IHO1: variants seen among roughly 807,000 people sequenced by gnomAD.
IHO1 encodes interactor of HORMAD1 protein 1.
IHO1 carries 13 observed loss-of-function variants against 31.0 expected under a neutral mutation model. That is an observed-to-expected ratio of 0.42 (90% CI 0.27 to 0.67). The LOEUF (loss-of-function observed/expected upper bound fraction) is 0.67, where lower values mean the gene tolerates loss of function less well. Ranked by LOEUF, IHO1 falls within the 30% of genes least tolerant of loss-of-function variation. The pLI is 0.24. For synonymous variants in IHO1, 221 were observed against 248.4 expected (o/e 0.89, Z 1.04); for missense variants, 599 against 687.5 (o/e 0.87, Z 1.44).
intron 2 of IHO1, among the ~76,000 whole-genome samples, chr3:49,233,504 C>T (rs1171401601): frequency 6.6e-6 from 1 of 152,200 alleles, no homozygotes; most frequent in African/African-American, 2.4e-5. Flanking sequence ...AGATTAGCAG[C>T]TATTAACCCA....
intron 6 of IHO1, chr3:49,252,016 A>G (rs2107740600): frequency 6.6e-6 from 1 of 152,284 alleles, no homozygotes; most frequent in South Asian, 2.1e-4. Context: ...TTTTTAGTAG[A>G]GGCCGGGTTT....
At chr3:49,192,607 G>A in the IHO1 span, among the ~76,000 whole-genome samples, 1 of 152,104 alleles carries the variant, frequency 6.6e-6, no homozygotes, top group Non-Finnish European at 1.5e-5. Flanking sequence ...GTATTAAAAG[G>A]TTCATTGGCC....
chr3:49,208,815 C>G (rs575317888), intron 1 of IHO1, among the ~76,000 whole-genome samples: 1 of 152,296 alleles, frequency 6.6e-6, no homozygotes, highest in East Asian at 1.9e-4. Context: ...TCTCAAAATC[C>G]ACTACCAACA....
chr3:49,202,792 C>T (rs2046086607), intron 1 of IHO1, among the ~76,000 whole-genome samples: 1 of 151,922 alleles, frequency 6.6e-6, no homozygotes, highest in African/African-American at 2.4e-5. Context: ...TCTCCTGCCT[C>T]AGCCTCCCAA....
intron 4 of IHO1, 149 bp downstream of exon 4, chr3:49,241,538 T>TA: frequency 2.1e-6 from 1 of 477,516 alleles, no homozygotes; most frequent in Non-Finnish European, 3.7e-6. Context: ...TACACACACA[T>TA]ACACACACAC....
chr3:49,229,339 C>T (rs4955432), intron 2 of IHO1, among the ~76,000 whole-genome samples: 94,504 of 152,050 alleles, frequency 0.62, 30,333 homozygotes, highest in East Asian at 0.95. Flanking sequence ...CCCTTGCCAG[C>T]GGTGATGATA....
intron 3 of IHO1, among the ~76,000 whole-genome samples, chr3:49,240,812 CCCACTGT>C (rs1180565356): frequency 1.3e-5 from 2 of 152,180 alleles, no homozygotes; most frequent in African/African-American, 4.8e-5. Context: ...TGTCAGCATG[CCCACTGT>C]CCAGTCCACA....
the IHO1 span, chr3:49,191,696 G>A: frequency 6.3e-7 from 1 of 1,583,642 alleles, no homozygotes; most frequent in Non-Finnish European, 8.6e-7. Flanking sequence ...CAGATTTCAG[G>A]TACAACCAGA....
intron 2 of IHO1, 131 bp from the exon 3 acceptor site, chr3:49,236,417 T>C: frequency 1.6e-6 from 1 of 634,704 alleles, no homozygotes; most frequent in Non-Finnish European, 2.8e-6. Context: ...ACTGACAATA[T>C]ACAGGGGACT....
intron 2 of IHO1, among the ~76,000 whole-genome samples, chr3:49,214,456 C>T (rs1039778334): frequency 8.7e-5 from 13 of 149,918 alleles, no homozygotes; most frequent in Non-Finnish European, 1.5e-4. Flanking sequence ...TTATTATATG[C>T]TCTTATCACT....
upstream of IHO1, among the ~76,000 whole-genome samples, chr3:49,195,964 G>A (rs921487999): frequency 6.6e-6 from 1 of 151,280 alleles, no homozygotes; most frequent in Admixed American, 6.6e-5. Context: ...GGCCAGGTGT[G>A]GGGGCTCATG....
At chr3:49,234,162 GTTTTTTTTTTTTT>G (rs56802492) in intron 2 of IHO1, among the ~76,000 whole-genome samples, 1 of 91,916 alleles carries the variant, frequency 1.1e-5, no homozygotes, top group South Asian at 4.3e-4. Flanking sequence ...TTTTGTTGTT[GTTTTTTTTTTTTT>G]TTTTTTTTTG....
chr3:49,228,568 T>C (rs2046443590), intron 2 of IHO1, among the ~76,000 whole-genome samples: 1 of 152,232 alleles, frequency 6.6e-6, no homozygotes, highest in South Asian at 2.1e-4. Flanking sequence ...TTCCAGTGGG[T>C]TCTTGGTCTC....
chr3:49,247,288 A>G (rs1400591058), intron 6 of IHO1, among the ~76,000 whole-genome samples: 4 of 151,756 alleles, frequency 2.6e-5, no homozygotes, highest in African/African-American at 9.7e-5. Flanking sequence ...GGAGTGCAGT[A>G]GCACGATCTC....
At chr3:49,211,006 GTTTT>G (rs59697636) in intron 1 of IHO1, among the ~76,000 whole-genome samples, 2 of 116,712 alleles carry the variant, frequency 1.7e-5, no homozygotes, top group Non-Finnish European at 1.8e-5. Context: ...TCTCCATTTA[GTTTT>G]TTTTTTTTTT....
At chr3:49,238,222 C>A (rs977636187) in intron 3 of IHO1, among the ~76,000 whole-genome samples, 1 of 151,938 alleles carries the variant, frequency 6.6e-6, no homozygotes, top group African/African-American at 2.4e-5. Flanking sequence ...TGAGATCAAT[C>A]TGTGTTTTCT....
chr3:49,195,514 G>A (rs1438325245), upstream of IHO1, among the ~76,000 whole-genome samples: 32 of 148,918 alleles, frequency 2.1e-4, no homozygotes, highest in Middle Eastern at 3.5e-3. Context: ...TCAGGAGATA[G>A]AGACCATCCT....
intron 2 of IHO1, 53 bp downstream of exon 2, chr3:49,211,889 A>G (rs2046221500): frequency 9.6e-7 from 1 of 1,045,634 alleles, no homozygotes; most frequent in South Asian, 1.3e-5. Context: ...CTGGCCGGGC[A>G]TGATGGCTCA....
intron 4 of IHO1, 149 bp downstream of exon 4, chr3:49,241,538 TACACACAC>T (rs142564164): frequency 8.4e-6 from 4 of 477,516 alleles, no homozygotes; most frequent in Non-Finnish European, 1.5e-5. Flanking sequence ...TACACACACA[TACACACAC>T]ACACACACAC....
Sources: allele counts gnomAD v4.1 joint callset (sites outside exome capture counted in the v4.1 genomes callset), GRCh38; gene constraint gnomAD v4.1.1; transcripts MANE v1.5; gene names NCBI Gene and HGNC (gene_info 2026-07-23, HGNC 2026-07-21).